PLXNA4: variants seen among roughly 807,000 people sequenced by gnomAD.
PLXNA4 encodes plexin-A4.
In PLXNA4, 44 loss-of-function variants were observed where a neutral mutation model predicts 191.8. That is an observed-to-expected ratio of 0.23 (90% confidence interval 0.18 to 0.29). The LOEUF (loss-of-function observed/expected upper bound fraction) is 0.29, where lower values mean the gene tolerates loss of function less well. Among genes scored for constraint, PLXNA4 ranks in the 10% least tolerant of loss-of-function variants. The probability of loss-of-function intolerance (pLI) is 1.00; values close to 1 mark genes in which losing one functional copy is unlikely to be tolerated. For synonymous variants in PLXNA4, 1,082 were observed against 1,009.5 expected (o/e 1.07, Z -1.36); for missense variants, 1,800 against 2,488.8 (o/e 0.72, Z 5.89).
At position 132,210,964 on chromosome 7, in the gene PLXNA4, G is replaced by A. The variant is rs371117222; in HGVS notation, c.2277C>T (p.Ser759=). ...TCACAGAGGTGTTCTGGCACTGTAC[G>A]CTGGAGCTGTTGAAGCGCAGGGCGG... is the stretch of plus-strand genomic sequence containing the variant. ...RVPALRFNSS[S]VQCQNTSYSY... The change falls in exon 10 of 32, where the codon AGC becomes AGT. Residue 759 remains serine (S), a synonymous_variant. Transcript: ENST00000321063. The A allele has an allele frequency of 1.4e-5, 22 of 1,612,550 alleles. No individual in the cohort carries two copies. The highest frequency in any genetic ancestry group is 3.3e-5 in the South Asian group (3 of 91,040).
intron 2 of PLXNA4, among the ~76,000 whole-genome samples, chr7:132,593,528 G>A (rs1294275558): frequency 6.6e-6 from 1 of 152,174 alleles, no homozygotes; most frequent in Non-Finnish European, 1.5e-5. Context: ...GAGAAGGCAG[G>A]GAGTCCAGGA....
rs966820218 is a variant in PLXNA4 at position 132,295,194 on chromosome 7, T to C, written c.1503+2897A>G. ...CACTGGGGACTCATTCATTAAAAAA[T>C]TAAGAGGGGCCTATTAGGTGAAGTT... On this transcript the variant is annotated intron_variant, in intron 4 of 31. Transcript: ENST00000321063. Among the ~76,000 whole-genome samples the C allele has an allele frequency of 7.9e-5, 12 of 152,216 alleles. No individual in the cohort carries two copies. In the South Asian group the frequency reaches 1.2e-3, roughly 16 times the overall value.
chr7:132,311,202 G>GTGCGCGCGC (rs1554411105), intron 3 of PLXNA4, among the ~76,000 whole-genome samples: 1 of 151,068 alleles, frequency 6.6e-6, no homozygotes, highest in Non-Finnish European at 1.5e-5. Flanking sequence ...GTGCGCGTGT[G>GTGCGCGCGC]GCCTAAAGGA....
chr7:132,327,282 C>G (rs117965844), intron 3 of PLXNA4, among the ~76,000 whole-genome samples: 2,409 of 152,116 alleles, frequency 0.016, 31 homozygotes, highest in Non-Finnish European at 0.025. Flanking sequence ...CCTGGAGCAT[C>G]CCATAATTTG....
intron 4 of PLXNA4, among the ~76,000 whole-genome samples, chr7:132,265,975 G>C (rs948780517): frequency 6.6e-6 from 1 of 152,204 alleles, no homozygotes; most frequent in Admixed American, 6.5e-5. Context: ...CATTAGAAAA[G>C]AGGAGCTCTA....
rs1397087520 is a variant in PLXNA4, at chr7:132,384,028, A to G, written c.1372-85806T>C. Reference sequence around the variant, plus strand: ...TGTTACAAACCTCTGCCTCCAGAATATGGACAGTGAGACACAGAGGGGTTG... The same window carrying G: ...TGTTACAAACCTCTGCCTCCAGAATGTGGACAGTGAGACACAGAGGGGTTG... On this transcript the variant is annotated intron_variant, in intron 3 of 31. Transcript: ENST00000321063. 3 of 985,312 alleles carry G rather than the reference A, an allele frequency of 3.0e-6. No homozygotes were observed. In the East Asian group the frequency reaches 3.4e-4, roughly 112 times the overall value. The allele number at this position is 985,312 out of a possible 1,614,324, so 61.0% of individuals were successfully genotyped here.
At chr7:132,290,739 C>T (rs4731859) in intron 4 of PLXNA4, among the ~76,000 whole-genome samples, 98,770 of 151,892 alleles carry the variant, frequency 0.65, 33,942 homozygotes, top group African/African-American at 0.87. Flanking sequence ...AAACGTAACA[C>T]GGCTCTGAAA....
chr7:132,459,187 C>T (rs1017561044), intron 3 of PLXNA4, among the ~76,000 whole-genome samples: 4 of 152,182 alleles, frequency 2.6e-5, no homozygotes, highest in African/African-American at 7.2e-5. Context: ...TGATCTAAGA[C>T]GGCAGCTCTG....
chr7:132,182,399 G>A (rs1361275543), intron 16 of PLXNA4, among the ~76,000 whole-genome samples: 1 of 152,140 alleles, frequency 6.6e-6, no homozygotes, highest in African/African-American at 2.4e-5. Flanking sequence ...CCAGATGTCC[G>A]TGGCCATCCT....
In PLXNA4 at chr7:132,164,134, G is replaced by A. The variant is rs113388134; in HGVS notation, c.4500+8C>T. The A allele has an allele frequency of 0.011, 17,874 of 1,613,554 alleles. 140 individuals are homozygous for A. Among genetic ancestry groups the A allele is most frequent in the Middle Eastern group, 0.042 (234 of 5,568 alleles). On this transcript the variant is annotated splice_region_variant and intron_variant, in intron 24 of 31. Coordinates refer to ENST00000321063, the MANE Select transcript of PLXNA4 (RefSeq NM_020911.2). ...AAAGCCCCAGGGGAAACAGATGGGT[G>A]GGCTCACCAGGGTTTTGTAGTCAAT...
intron 2 of PLXNA4, among the ~76,000 whole-genome samples, chr7:132,587,248 C>G (rs2116820834): frequency 6.6e-6 from 1 of 152,278 alleles, no homozygotes; most frequent in South Asian, 2.1e-4. Context: ...GGGAACATAA[C>G]AGCTTCAAAT....
chr7:132,382,831 A>G (rs964903715), intron 3 of PLXNA4, among the ~76,000 whole-genome samples: 3 of 152,190 alleles, frequency 2.0e-5, no homozygotes, highest in Non-Finnish European at 2.9e-5. Flanking sequence ...ATGTGAGTGC[A>G]TATATATGTG....
intron 1 of PLXNA4, among the ~76,000 whole-genome samples, chr7:132,536,054 T>C (rs1282433900): frequency 3.3e-5 from 5 of 152,204 alleles, no homozygotes; most frequent in Non-Finnish European, 7.3e-5. Context: ...GAGAAAAACT[T>C]ACCTTCGTCT....
chr7:132,487,365 T>C (rs1797603776), intron 3 of PLXNA4, among the ~76,000 whole-genome samples: 1 of 152,200 alleles, frequency 6.6e-6, no homozygotes, highest in Non-Finnish European at 1.5e-5. Flanking sequence ...TCCCCCATAC[T>C]GCTTGCTGAC....
At chr7:132,287,734 G>T (rs1244639382) in intron 4 of PLXNA4, among the ~76,000 whole-genome samples, 1 of 152,150 alleles carries the variant, frequency 6.6e-6, no homozygotes, top group Non-Finnish European at 1.5e-5. Context: ...TGGGGGTGGT[G>T]GGCTGCTACC....
intron 3 of PLXNA4, among the ~76,000 whole-genome samples, chr7:132,341,661 C>G (rs191018145): frequency 1.4e-4 from 21 of 152,158 alleles, no homozygotes; most frequent in African/African-American, 2.7e-4. Context: ...CCCCAGCCCC[C>G]CTAGCCTGCC....
chr7:132,246,555 G>A (rs1041757499), intron 4 of PLXNA4, among the ~76,000 whole-genome samples: 3 of 152,074 alleles, frequency 2.0e-5, no homozygotes, highest in African/African-American at 7.2e-5. Flanking sequence ...TGTTGCTCAA[G>A]CTCTCCTTTG....
intron 9 of PLXNA4, among the ~76,000 whole-genome samples, chr7:132,211,369 T>C (rs938450984): frequency 2.6e-5 from 4 of 152,198 alleles, no homozygotes; most frequent in African/African-American, 9.6e-5. Context: ...CCCACCCTCT[T>C]TGGGTTCCAT....
At chr7:132,386,130 G>A (rs1805126839) in intron 3 of PLXNA4, among the ~76,000 whole-genome samples, 1 of 152,132 alleles carries the variant, frequency 6.6e-6, no homozygotes, top group African/African-American at 2.4e-5. Context: ...TTGATAGAGG[G>A]GCCCCGTGAG....
Sources: allele counts gnomAD v4.1 joint callset (sites outside exome capture counted in the v4.1 genomes callset), GRCh38; gene constraint gnomAD v4.1.1; transcripts MANE v1.5; gene names NCBI Gene and HGNC (gene_info 2026-07-23, HGNC 2026-07-21).